The following PCDHA6 variants were observed in gnomAD, a reference collection of about 807,000 sequenced individuals.
PCDHA6 encodes the protein protocadherin alpha-6.
A neutral mutation model predicts 60.3 loss-of-function variants in PCDHA6; 55 were observed. The observed-to-expected ratio is 0.91, with a 90% CI of 0.73 to 1.14. PCDHA6 has a LOEUF of 1.14. PCDHA6 is among the 50% of genes most tolerant of loss of function. The pLI is 0.00. For missense variants in PCDHA6, 1,327 were observed against 1,256.5 expected (o/e 1.06, Z -0.85); for synonymous variants, 652 against 557.9 (o/e 1.17, Z -2.38).
intron 1 of PCDHA6, among the ~76,000 whole-genome samples, chr5:140,846,106 A>G (rs1477023892): frequency 7.3e-5 from 11 of 149,704 alleles, no homozygotes; most frequent in African/African-American, 2.7e-4. Flanking sequence ...GAATGTGTAG[A>G]CTATCTTACT....
intron 1 of PCDHA6, among the ~76,000 whole-genome samples, chr5:140,920,752 G>A (rs2079807244): frequency 6.6e-6 from 1 of 151,768 alleles, no homozygotes; most frequent in African/African-American, 2.4e-5. Context: ...GCTGAGGCAG[G>A]AGAATTGCTT....
At chr5:140,881,798 A>G (rs2153381417) in intron 1 of PCDHA6, among the ~76,000 whole-genome samples, 1 of 152,372 alleles carries the variant, frequency 6.6e-6, no homozygotes, top group South Asian at 2.1e-4. Context: ...TTGTCCCAAA[A>G]CGAGTGTCGA....
At chr5:140,986,437 G>A (rs1554248053) in intron 3 of PCDHA6, among the ~76,000 whole-genome samples, 2 of 152,182 alleles carry the variant, frequency 1.3e-5, no homozygotes, top group Admixed American at 6.5e-5. Flanking sequence ...GAGTACTAAT[G>A]CCCTGAAGAG....
At chr5:140,842,672 A>G in intron 1 of PCDHA6, 2 of 1,595,340 alleles carry the variant, frequency 1.3e-6, no homozygotes, top group Non-Finnish European at 1.7e-6. Flanking sequence ...CGTGAACGAC[A>G]ATGCTCCGGC....
intron 1 of PCDHA6, among the ~76,000 whole-genome samples, chr5:140,939,679 T>A (rs2092435989): frequency 6.6e-6 from 1 of 152,196 alleles, no homozygotes; most frequent in South Asian, 2.1e-4. Context: ...TGTATGTATG[T>A]GTGTGTTGCT....
chr5:140,984,659 C>G (rs560265457), intron 3 of PCDHA6, among the ~76,000 whole-genome samples: 4 of 152,246 alleles, frequency 2.6e-5, no homozygotes, highest in African/African-American at 9.6e-5. Flanking sequence ...CCTTCTGGTA[C>G]TTTTAGGTTT....
At chr5:140,972,197 A>G (rs2096524584) in intron 1 of PCDHA6, among the ~76,000 whole-genome samples, 1 of 152,100 alleles carries the variant, frequency 6.6e-6, no homozygotes. Context: ...GCTGGAGTAT[A>G]GGTGTGAATA....
At position 140,829,405 on chromosome 5, in the gene PCDHA6, C is replaced by G. The variant is rs17853692; in HGVS notation, c.1314C>G (p.Thr438=). 14 of 1,614,152 alleles carry G rather than the reference C, an allele frequency of 8.7e-6. No homozygotes were observed. The highest frequency in any genetic ancestry group is 4.4e-5 in the South Asian group (4 of 91,084). Residue 438 remains threonine (T), a synonymous_variant, in exon 1 of 4, where the codon ACC becomes ACG. Transcript: ENST00000529310. The stretch of plus-strand genomic sequence containing the variant: ...GGGGCTCGCCTTCGCTGTGGGCCAC[C>G]GCCAGCTTGTCTGTGGAGGTGGCCG... ...RDGGSPSLWA[T]ASLSVEVADM...
At chr5:140,978,283 G>A (rs1355729190) in intron 1 of PCDHA6, among the ~76,000 whole-genome samples, 3 of 152,200 alleles carry the variant, frequency 2.0e-5, no homozygotes, top group South Asian at 2.1e-4. Context: ...CAGTGATTCA[G>A]TGAGGAGGGA....
intron 1 of PCDHA6, chr5:140,881,244 C>A (rs1219638908): frequency 4.8e-5 from 19 of 396,890 alleles, no homozygotes; most frequent in Non-Finnish European, 6.2e-5. Context: ...ATTTAAATGA[C>A]GGCAAGGTTT....
intron 1 of PCDHA6, among the ~76,000 whole-genome samples, chr5:140,909,916 C>T (rs1554194012): frequency 6.6e-6 from 1 of 152,138 alleles, no homozygotes; most frequent in African/African-American, 2.4e-5. Context: ...CAATCATTTC[C>T]CTTTCCCCAA....
Position 140,843,714 on chromosome 5 carries a change from A to C in PCDHA6, c.2394+13229A>C, listed in dbSNP as rs782749981. ...GATTTAAATGTTGATCATGGCCTCA[A>C]AGTAAGTCCATTTAAATTTAGAACT... is the stretch of plus-strand genomic sequence containing the variant. On this transcript the variant is annotated intron_variant, in intron 1 of 3. Transcript: ENST00000529310. The C allele has an allele frequency of 2.5e-6, 4 of 1,569,610 alleles. 1 individual carries two copies. The highest frequency in any genetic ancestry group is 1.4e-5 in the African/African-American group (1 of 73,998).
At chr5:140,849,484 T>A (rs2040926970) in intron 1 of PCDHA6, 1 of 1,590,814 alleles carries the variant, frequency 6.3e-7, no homozygotes, top group Non-Finnish European at 8.6e-7. Flanking sequence ...TTCCCACCCC[T>A]GGCTGGTCAT....
intron 1 of PCDHA6, among the ~76,000 whole-genome samples, chr5:140,847,167 A>T (rs1354541358): frequency 6.7e-6 from 1 of 149,596 alleles, no homozygotes; most frequent in Non-Finnish European, 1.5e-5. Flanking sequence ...TGAGTAATAA[A>T]CTAAAGGGCC....
intron 1 of PCDHA6, among the ~76,000 whole-genome samples, chr5:140,903,075 C>T (rs2069986128): frequency 6.6e-6 from 1 of 152,114 alleles, no homozygotes; most frequent in Non-Finnish European, 1.5e-5. Flanking sequence ...TGGGTAGATA[C>T]CTGATAGTGG....
At chr5:140,937,023 A>G (rs2091268625) in intron 1 of PCDHA6, among the ~76,000 whole-genome samples, 1 of 150,410 alleles carries the variant, frequency 6.6e-6, no homozygotes. Flanking sequence ...TTAACAAGGT[A>G]TATTCTTCCA....
In PCDHA6 at chr5:141,006,221, T is replaced by C. The variant is rs559314025; in HGVS notation, c.2543-3406T>C. Among the ~76,000 whole-genome samples, 485 of 152,162 alleles carry C rather than the reference T, an allele frequency of 3.2e-3. 7 individuals carry two copies. The highest frequency in any genetic ancestry group is 0.01 in the Middle Eastern group (3 of 294). On this transcript the variant is annotated intron_variant, in intron 3 of 3. Transcript: ENST00000529310. Reference sequence around the variant, plus strand: ...GTTATGCCTCATTTTTTTTTAAATTTTTTATTTTTAGATGGAGTCTTGCTC... The same window carrying C: ...GTTATGCCTCATTTTTTTTTAAATTCTTTATTTTTAGATGGAGTCTTGCTC...
chr5:140,978,967 G>C lies in PCDHA6; in HGVS notation c.2413G>C (p.Asp805His), dbSNP rs782109224. 1.9e-6 allele frequency: 3 copies of C among 1,614,038 alleles called. No homozygotes were observed. The highest frequency in any genetic ancestry group is 1.1e-5 in the South Asian group (1 of 91,066). The stretch of plus-strand genomic sequence containing the variant: ...TTTGCAGCCACGACAGCCCAACCCT[G>C]ACTGGCGTTACTCTGCCTCCCTGAG... ...HDAKPRQPNPDWRYSASLRAG... is the reference protein window; with the variant it reads ...HDAKPRQPNPHWRYSASLRAG... The change falls in exon 2 of 4, where the codon GAC (aspartate) becomes CAC (histidine). Residue 805 changes from aspartate to histidine, a missense_variant. Asp to His is a moderately conservative substitution (Grantham distance 81). Coordinates refer to ENST00000529310, the MANE Select transcript of PCDHA6 (RefSeq NM_018909.4).
At chr5:140,850,679 C>A in intron 1 of PCDHA6, 1 of 1,598,496 alleles carries the variant, frequency 6.3e-7, no homozygotes, top group Non-Finnish European at 8.6e-7. Flanking sequence ...CGATGCCCAC[C>A]GAGGGCGAGT....
Sources: allele counts gnomAD v4.1 joint callset (sites outside exome capture counted in the v4.1 genomes callset), GRCh38; gene constraint gnomAD v4.1.1; transcripts MANE v1.5; gene names NCBI Gene and HGNC (gene_info 2026-07-23, HGNC 2026-07-21).